The following PACSIN1 variants were observed in gnomAD, a reference collection of about 807,000 sequenced individuals.
PACSIN1 encodes protein kinase C and casein kinase substrate in neurons protein 1.
PACSIN1 carries 15 observed loss-of-function variants against 59.5 expected under a neutral mutation model. The observed-to-expected ratio is 0.25, with a 90% CI of 0.17 to 0.39. The LOEUF is 0.39. Among genes scored for constraint, PACSIN1 ranks in the 10% least tolerant of loss-of-function variants. The pLI is 1.00. For missense variants in PACSIN1, 420 were observed against 580.2 expected (o/e 0.72, Z 2.84); for synonymous variants, 210 against 220.6 (o/e 0.95, Z 0.42).
chr6:34,523,492 A>G (rs1463850424), intron 1 of PACSIN1, among the ~76,000 whole-genome samples: 2 of 152,226 alleles, frequency 1.3e-5, no homozygotes, highest in Non-Finnish European at 2.9e-5. Flanking sequence ...TGCCCAATCA[A>G]TGCCAGCTGT....
intron 1 of PACSIN1, among the ~76,000 whole-genome samples, chr6:34,510,749 CT>C (rs1767189647): frequency 6.6e-6 from 1 of 152,230 alleles, no homozygotes; most frequent in Non-Finnish European, 1.5e-5. Context: ...GAGTCTCGCT[CT>C]CACCTAGGTT....
chr6:34,468,018 C>A (rs565487869), intron 1 of PACSIN1, among the ~76,000 whole-genome samples: 10 of 152,182 alleles, frequency 6.6e-5, no homozygotes, highest in Admixed American at 3.9e-4. Flanking sequence ...CTCCTCAGGC[C>A]GCTGGGTTGG....
At chr6:34,473,726 TTTA>T (rs1388553366) in intron 1 of PACSIN1, among the ~76,000 whole-genome samples, 1 of 152,188 alleles carries the variant, frequency 6.6e-6, no homozygotes, top group Non-Finnish European at 1.5e-5. Context: ...TTGCAAACTT[TTTA>T]TTGTGAAATA....
rs556195718 is a variant in PACSIN1, at chr6:34,525,052, C to T, written c.-63-1191C>T. Reference sequence around the variant, plus strand: ...CACTTCTCTGTATCTAAATTTAAAACGTTCCTTATGAAGCAAGTACTGCTT... The same window carrying T: ...CACTTCTCTGTATCTAAATTTAAAATGTTCCTTATGAAGCAAGTACTGCTT... On this transcript the variant is annotated intron_variant, in intron 1 of 9. Transcript: ENST00000244458. This position sits in a 1 kb window ranked among gnomAD's most constrained non-coding sequence, Gnocchi z 4.9. Among the ~76,000 whole-genome samples the T allele has an allele frequency of 3.3e-5, 5 of 152,316 alleles. No individual in the cohort carries two copies. The highest frequency in any genetic ancestry group is 4.8e-5 in the African/African-American group (2 of 41,564).
Position 34,531,598 on chromosome 6 carries a change from A to G in PACSIN1, c.1038-2A>G. 1 of 1,613,414 alleles carries G rather than the reference A, an allele frequency of 6.2e-7. No homozygotes were observed. The highest frequency in any genetic ancestry group is 8.5e-7 in the Non-Finnish European group (1 of 1,179,770). On this transcript the variant is annotated splice_acceptor_variant, in intron 8 of 9. Transcript: ENST00000244458. LOFTEE classifies it high-confidence loss of function. This position sits in a 1 kb window ranked among gnomAD's most constrained non-coding sequence, Gnocchi z 4.4. The stretch of plus-strand genomic sequence containing the variant: ...AAGCTGGCTCCTTCCTCCGCGTCTC[A>G]GTGTTAGCAGCTACGACAGAGGCCA...
chr6:34,528,945 G>A lies in PACSIN1; in HGVS notation c.456+68G>A, dbSNP rs562393363. 42 of 1,287,954 alleles carry A rather than the reference G, an allele frequency of 3.3e-5. No homozygotes were observed. In the East Asian group the frequency reaches 6.3e-4, roughly 19 times the overall value. The allele number at this position is 1,287,954 out of a possible 1,614,324, so 79.8% of individuals were successfully genotyped here. ...TCTGATCAGAGGGTGCTGATCCCAGGGAGGGCATCTATGGATGGGTGGGCT... is the reference window on the plus strand; with the variant it reads ...TCTGATCAGAGGGTGCTGATCCCAGAGAGGGCATCTATGGATGGGTGGGCT... On this transcript the variant is annotated intron_variant, in intron 4 of 9. Transcript: ENST00000244458.
rs1474433311 is a variant in PACSIN1, at chr6:34,532,107, G to T, written c.1226-314G>T. ...CGTGACCTGGGCCCAGGATGGGAGT[G>T]GGGGCAAGATTTAGATTGGTTGGTG... On this transcript the variant is annotated intron_variant, in intron 9 of 9. Coordinates refer to ENST00000244458, the MANE Select transcript of PACSIN1 (RefSeq NM_020804.5). This position sits in a 1 kb window ranked among gnomAD's most constrained non-coding sequence, Gnocchi z 5.2. 6.6e-6 allele frequency among the ~76,000 whole-genome samples: 1 copy of T among 152,050 alleles called. No homozygotes were observed. Among genetic ancestry groups the T allele is most frequent in the African/African-American group, 2.4e-5 (1 of 41,398 alleles).
intron 1 of PACSIN1, among the ~76,000 whole-genome samples, chr6:34,489,566 GC>G (rs1346845478): frequency 8.5e-5 from 13 of 152,180 alleles, no homozygotes; most frequent in African/African-American, 3.1e-4. Flanking sequence ...AGTAGCTCTT[GC>G]CCCGCAGGCC....
chr6:34,529,634 G>T lies in PACSIN1; in HGVS notation c.613-32G>T. The T allele has an allele frequency of 6.2e-7, 1 of 1,612,962 alleles. No homozygotes were observed. Among genetic ancestry groups the T allele is most frequent in the South Asian group, 1.1e-5 (1 of 91,046 alleles). ...GGCTGGGAGCTGCAGGCCTGGCTAG[G>T]TGTCACCCTCTCTCCACTCTGGTGC... On this transcript the variant is annotated intron_variant, in intron 5 of 9. Coordinates refer to ENST00000244458, the MANE Select transcript of PACSIN1 (RefSeq NM_020804.5). This position sits in a 1 kb window ranked among gnomAD's most constrained non-coding sequence, Gnocchi z 6.3.
chr6:34,484,134 T>C (rs1222708999), intron 1 of PACSIN1, among the ~76,000 whole-genome samples: 1 of 152,192 alleles, frequency 6.6e-6, no homozygotes, highest in Non-Finnish European at 1.5e-5. Context: ...CATCAGGGCC[T>C]TTAACATGCT....
In PACSIN1 at chr6:34,502,766, G is replaced by A. The variant is rs1012259581; in HGVS notation, c.-63-23477G>A. On this transcript the variant is annotated intron_variant, in intron 1 of 9. Transcript: ENST00000244458. ...CAGGCGTGAGCCACCGCGCCTGGCC[G>A]AAGAAGCCATCTTGGACATTTTAGC... Among the ~76,000 whole-genome samples, 19 of 152,166 alleles carry A rather than the reference G, an allele frequency of 1.2e-4. No homozygotes were observed. The East Asian group carries it at 1.4e-3, about 11-fold the overall frequency.
chr6:34,494,264 T>C lies in PACSIN1; in HGVS notation c.-64+27994T>C, dbSNP rs1355961944. Among the ~76,000 whole-genome samples, 6 of 152,196 alleles carry C rather than the reference T, an allele frequency of 3.9e-5. 1 individual carries two copies. The highest frequency in any genetic ancestry group is 5.9e-5 in the Non-Finnish European group (4 of 68,020). On this transcript the variant is annotated intron_variant, in intron 1 of 9. Transcript: ENST00000244458. ...GTGCCCATCCCCATTCTTTGTTTCA[T>C]GGTATGCCCCTACCTCTTGCTCATC...
chr6:34,521,761 C>T lies in PACSIN1; in HGVS notation c.-63-4482C>T, dbSNP rs1443562194. ...TAAGCGCCGACACCTGTGGAGAGCTCGCCGTGTGTCAGGCGCGGTCCAGTG... is the reference window on the plus strand; with the variant it reads ...TAAGCGCCGACACCTGTGGAGAGCTTGCCGTGTGTCAGGCGCGGTCCAGTG... On this transcript the variant is annotated intron_variant, in intron 1 of 9. Coordinates refer to ENST00000244458, the MANE Select transcript of PACSIN1 (RefSeq NM_020804.5). This position sits in a 1 kb window ranked among gnomAD's most constrained non-coding sequence, Gnocchi z 4.3. Among the ~76,000 whole-genome samples, 1 of 152,120 alleles carries T rather than the reference C, an allele frequency of 6.6e-6. No individual in the cohort carries two copies.
At position 34,521,409 on chromosome 6, in the gene PACSIN1, G is replaced by A. The variant is rs2127269869; in HGVS notation, c.-63-4834G>A. On this transcript the variant is annotated intron_variant, in intron 1 of 9. Transcript: ENST00000244458. This position sits in a 1 kb window ranked among gnomAD's most constrained non-coding sequence, Gnocchi z 4.3. ...ATTCCTCTGTCCCTTCCTCAAGCCAGGAGTAGATGGAACACAGCTGAGGGC... is the reference window on the plus strand; with the variant it reads ...ATTCCTCTGTCCCTTCCTCAAGCCAAGAGTAGATGGAACACAGCTGAGGGC... Among the ~76,000 whole-genome samples the A allele has an allele frequency of 6.6e-6, 1 of 152,302 alleles. No individual in the cohort carries two copies. Among genetic ancestry groups the A allele is most frequent in the East Asian group, 1.9e-4 (1 of 5,180 alleles).
intron 1 of PACSIN1, among the ~76,000 whole-genome samples, chr6:34,470,030 G>C (rs1325260596): frequency 1.3e-5 from 2 of 152,200 alleles, no homozygotes; most frequent in East Asian, 1.9e-4. Context: ...CCAGGGGCAG[G>C]GTGGCCTGGA....
chr6:34,531,501 G>A lies in PACSIN1; in HGVS notation c.1038-99G>A. The A allele has an allele frequency of 8.0e-7, 1 of 1,248,572 alleles. No homozygotes were observed. Among genetic ancestry groups the A allele is most frequent in the South Asian group, 1.4e-5 (1 of 73,914 alleles). 77.3% of individuals were successfully genotyped at this position (1,248,572 alleles called of 1,614,324 possible). A position where few individuals can be genotyped will look rare whatever the true frequency, so the allele number is the denominator to read the frequency against. ...TGTGGCCAATCCTTGCTCTAGCCTT[G>A]GTAGAATTCGGGATCAGGGCTCTGA... On this transcript the variant is annotated intron_variant, in intron 8 of 9. Coordinates refer to ENST00000244458, the MANE Select transcript of PACSIN1 (RefSeq NM_020804.5). The surrounding 1 kb of genome is among the most constrained non-coding windows in gnomAD (Gnocchi z 4.4).
chr6:34,513,603 G>C (rs1429403656), intron 1 of PACSIN1, among the ~76,000 whole-genome samples: 2 of 152,136 alleles, frequency 1.3e-5, no homozygotes, highest in African/African-American at 4.8e-5. Flanking sequence ...CTCTCTGGGA[G>C]AGTCATTTTA....
At chr6:34,502,995 G>A (rs1003857295) in intron 1 of PACSIN1, among the ~76,000 whole-genome samples, 5 of 152,088 alleles carry the variant, frequency 3.3e-5, no homozygotes, top group African/African-American at 1.2e-4. Flanking sequence ...CGTTGGTCCC[G>A]ATGCTTACTA....
intron 3 of PACSIN1, 33 bp from the exon 4 acceptor site, chr6:34,528,609 T>G: frequency 4.6e-6 from 7 of 1,535,364 alleles, no homozygotes; most frequent in Non-Finnish European, 6.3e-6. Context: ...GCAGGGGCAA[T>G]GAGGTTCTTG....
Sources: gnomAD v4.1 joint callset for allele counts (sites outside exome capture counted in the v4.1 genomes callset) on GRCh38, gnomAD v4.1.1 for gene constraint, Gnocchi (gnomAD v3.1) non-coding constraint, MANE v1.5 for transcripts, NCBI Gene and HGNC (gene_info 2026-07-23, HGNC 2026-07-21) for gene names.